THSD7B: variants seen among roughly 807,000 people sequenced by gnomAD.
THSD7B encodes the protein thrombospondin type-1 domain-containing protein 7B.
Under a neutral mutation model 213.6 loss-of-function variants are expected in THSD7B, and 138 were observed. The observed-to-expected ratio is 0.65, with a 90% CI of 0.56 to 0.74. The LOEUF (loss-of-function observed/expected upper bound fraction) is 0.74. THSD7B is among the 30% of genes least tolerant of loss of function. The pLI, the probability that THSD7B is intolerant of heterozygous loss-of-function variation, is 0.00. For synonymous variants in THSD7B, 742 were observed against 687.0 expected, an observed-to-expected ratio of 1.08 and a Z score of -1.25; for missense variants, 1,931 against 1,991.5, an observed-to-expected ratio of 0.97 and a Z score of 0.58.
intron 15 of THSD7B, among the ~76,000 whole-genome samples, chr2:137,515,046 C>A (rs943260483): frequency 2.0e-5 from 3 of 152,126 alleles, no homozygotes; most frequent in Admixed American, 1.3e-4. Context: ...TTTTGGAACA[C>A]CAGACACAAC....
At chr2:137,095,534 T>C (rs1385063388) in intron 4 of THSD7B, among the ~76,000 whole-genome samples, 1 of 152,186 alleles carries the variant, frequency 6.6e-6, no homozygotes, top group Non-Finnish European at 1.5e-5. Flanking sequence ...TTCAGAGAGA[T>C]TAAATGATTT....
chr2:137,044,494 C>CT (rs967189236), intron 2 of THSD7B, among the ~76,000 whole-genome samples: 1 of 152,072 alleles, frequency 6.6e-6, no homozygotes, highest in African/African-American at 2.4e-5. Flanking sequence ...ACCTTTGTTC[C>CT]TGGGGGATAT....
chr2:137,662,730 T>C (rs1260008745), intron 25 of THSD7B, among the ~76,000 whole-genome samples: 2 of 152,044 alleles, frequency 1.3e-5, no homozygotes, highest in Non-Finnish European at 2.9e-5. Flanking sequence ...TTGAAGATAA[T>C]TTGATTAAAT....
At chr2:137,568,245 T>C (rs750850150) in intron 16 of THSD7B, among the ~76,000 whole-genome samples, 1 of 151,936 alleles carries the variant, frequency 6.6e-6, no homozygotes. Flanking sequence ...ATAGCAAATA[T>C]AGACAATGCC....
intron 2 of THSD7B, among the ~76,000 whole-genome samples, chr2:136,932,335 T>C (rs1684644934): frequency 6.6e-6 from 1 of 152,206 alleles, no homozygotes; most frequent in African/African-American, 2.4e-5. Flanking sequence ...AATTAATCCC[T>C]GAGTTGAAAT....
At chr2:137,055,770 T>C (rs1687151386) in intron 2 of THSD7B, among the ~76,000 whole-genome samples, 1 of 152,228 alleles carries the variant, frequency 6.6e-6, no homozygotes, top group Non-Finnish European at 1.5e-5. Context: ...GCTGCTTCTC[T>C]TATTACCTTA....
intron 12 of THSD7B, among the ~76,000 whole-genome samples, chr2:137,310,507 A>C (rs994379325): frequency 6.7e-6 from 1 of 150,228 alleles, no homozygotes; most frequent in Non-Finnish European, 1.5e-5. Flanking sequence ...TCTTTAGTTT[A>C]ATGAGATCCC....
At chr2:137,464,635 C>A (rs959925563) in intron 15 of THSD7B, among the ~76,000 whole-genome samples, 2 of 152,022 alleles carry the variant, frequency 1.3e-5, no homozygotes, top group Non-Finnish European at 2.9e-5. Flanking sequence ...TGGAAGAAAC[C>A]CTTAGGCATA....
chr2:137,308,436 T>C (rs1371442526), intron 12 of THSD7B, among the ~76,000 whole-genome samples: 2 of 152,088 alleles, frequency 1.3e-5, no homozygotes, highest in Admixed American at 1.3e-4. Flanking sequence ...CGGAGTACCA[T>C]GATATGTAAC....
At chr2:137,429,143 G>T (rs1687118964) in intron 14 of THSD7B, among the ~76,000 whole-genome samples, 1 of 152,160 alleles carries the variant, frequency 6.6e-6, no homozygotes, top group Non-Finnish European at 1.5e-5. Flanking sequence ...CAGAAATTTG[G>T]TTAGTGGTTG....
chr2:137,195,589 AT>A (rs1183517218), intron 7 of THSD7B, among the ~76,000 whole-genome samples: 2 of 152,138 alleles, frequency 1.3e-5, no homozygotes, highest in Non-Finnish European at 1.5e-5. Flanking sequence ...TGAGCTCCAA[AT>A]AAATAATATT....
intron 17 of THSD7B, among the ~76,000 whole-genome samples, chr2:137,579,913 A>G (rs1197430995): frequency 1.3e-5 from 2 of 152,140 alleles, no homozygotes; most frequent in Admixed American, 6.5e-5. Context: ...GTATTCCTGG[A>G]AAGAGTTTTA....
intron 17 of THSD7B, among the ~76,000 whole-genome samples, chr2:137,590,594 T>C (rs980228079): frequency 6.6e-6 from 1 of 152,076 alleles, no homozygotes; most frequent in East Asian, 1.9e-4. Flanking sequence ...TCTTTATTTT[T>C]CCAAGAAAAA....
intron 2 of THSD7B, among the ~76,000 whole-genome samples, chr2:136,928,857 A>G (rs1267665714): frequency 6.6e-6 from 1 of 152,184 alleles, no homozygotes; most frequent in Non-Finnish European, 1.5e-5. Flanking sequence ...AAGGAATAAA[A>G]GCTATTGAAA....
intron 12 of THSD7B, among the ~76,000 whole-genome samples, chr2:137,359,573 G>C (rs910870839): frequency 5.3e-5 from 8 of 152,052 alleles, no homozygotes; most frequent in African/African-American, 1.9e-4. Context: ...TAGAGATGAC[G>C]GGATGCTACA....
intron 10 of THSD7B, among the ~76,000 whole-genome samples, chr2:137,257,068 G>A (rs36012673): frequency 0.2 from 30,742 of 151,902 alleles, 4,000 homozygotes; most frequent in Non-Finnish European, 0.29. Flanking sequence ...ATAAAGCTAC[G>A]GGTCCCACTC....
intron 19 of THSD7B, among the ~76,000 whole-genome samples, chr2:137,620,125 T>TA (rs1295414185): frequency 6.6e-6 from 1 of 152,246 alleles, no homozygotes; most frequent in East Asian, 1.9e-4. Context: ...GACCCATCGT[T>TA]ACGACCATGA....
intron 12 of THSD7B, among the ~76,000 whole-genome samples, chr2:137,282,520 G>T (rs565095866): frequency 1.3e-5 from 2 of 152,128 alleles, no homozygotes; most frequent in Non-Finnish European, 2.9e-5. Flanking sequence ...TTTTTTTCTA[G>T]AGTTTTTATG....
intron 16 of THSD7B, among the ~76,000 whole-genome samples, chr2:137,571,101 A>G (rs933462219): frequency 2.0e-5 from 3 of 152,200 alleles, no homozygotes; most frequent in African/African-American, 7.2e-5. Flanking sequence ...TATCAAGACT[A>G]CCTAAGTCCC....
Sources: allele counts gnomAD v4.1 joint callset (sites outside exome capture counted in the v4.1 genomes callset), GRCh38; gene constraint gnomAD v4.1.1; transcripts MANE v1.5; gene names NCBI Gene and HGNC (gene_info 2026-07-23, HGNC 2026-07-21).